The following CNTRL variants were observed in gnomAD, a reference collection of about 807,000 sequenced individuals.
CNTRL encodes the protein centriolin.
Under a neutral mutation model 303.7 loss-of-function variants are expected in CNTRL, and 233 were observed. The observed-to-expected ratio is 0.77, with a 90% confidence interval of 0.69 to 0.86. The LOEUF (loss-of-function observed/expected upper bound fraction) is 0.86, where lower values mean the gene tolerates loss of function less well. Ranked by LOEUF, CNTRL falls within the 40% of genes least tolerant of loss-of-function variation. The pLI, the probability that CNTRL is intolerant of heterozygous loss-of-function variation, is 0.00. For synonymous variants in CNTRL, 900 were observed against 922.2 expected (o/e 0.98, Z 0.44); for missense variants, 2,524 against 2,650.6 (o/e 0.95, Z 1.05).
At chr9:121,097,968 T>C (rs2048963584) in intron 6 of CNTRL, among the ~76,000 whole-genome samples, 1 of 152,192 alleles carries the variant, frequency 6.6e-6, no homozygotes. Flanking sequence ...TTTACCAAAA[T>C]ATTTTTTATA....
rs376461563 is a variant in CNTRL, at chr9:121,090,278, C to G, written c.221C>G (p.Ala74Gly). ...TGATCTGTTTCTATAATTTCAGGAG[C>G]TGATTCACATGCAGGAGTTAGATAT... ...MLLDYQDHKG[A>G]DSHAGVRYIT... Residue 74 changes from alanine to glycine, a missense_variant, in exon 4 of 44, where the codon GCT becomes GGT. By Grantham distance (60) the Ala-to-Gly change is moderately conservative. Coordinates refer to ENST00000373855, the MANE Select transcript of CNTRL (RefSeq NM_007018.6). The G allele has an allele frequency of 8.5e-5, 135 of 1,594,066 alleles. No individual in the cohort carries two copies. Among genetic ancestry groups the G allele is most frequent in the Non-Finnish European group, 1.1e-4 (130 of 1,171,648 alleles).
At chr9:121,081,977 T>G (rs940254419) in intron 2 of CNTRL, among the ~76,000 whole-genome samples, 1 of 152,234 alleles carries the variant, frequency 6.6e-6, no homozygotes. Flanking sequence ...GTGTCACCAG[T>G]CATCTTATTA....
chr9:121,097,559 G>A (rs1394686228), intron 6 of CNTRL, among the ~76,000 whole-genome samples: 1 of 144,922 alleles, frequency 6.9e-6, no homozygotes, highest in East Asian at 2.2e-4. Context: ...CAATACCTAT[G>A]CTTTCTAATT....
intron 1 of CNTRL, among the ~76,000 whole-genome samples, chr9:121,075,295 G>T (rs529173317): frequency 5.3e-5 from 8 of 152,230 alleles, no homozygotes; most frequent in African/African-American, 1.9e-4. Context: ...AAGAGGTGGG[G>T]ACGGCGGGGG....
rs764344990 is a variant in CNTRL, at chr9:121,148,743, T to C, written c.3531T>C (p.Val1177=). 9.9e-6 allele frequency: 16 copies of C among 1,614,114 alleles called. No individual in the cohort carries two copies. The highest frequency in any genetic ancestry group is 1.4e-5 in the Non-Finnish European group (16 of 1,179,994). ...TTAAGTACTCAGCCTCAACTCCTGTTAGAAAACCACGCCCTGGGCAGCAGG... is the reference window on the plus strand; with the variant it reads ...TTAAGTACTCAGCCTCAACTCCTGTCAGAAAACCACGCCCTGGGCAGCAGG... The part of the protein sequence containing the change: ...VGLKYSASTP[V]RKPRPGQQDG... Residue 1177 remains valine (V), a synonymous_variant, in exon 24 of 44, where the codon GTT becomes GTC. Coordinates refer to ENST00000373855, the MANE Select transcript of CNTRL (RefSeq NM_007018.6).
At chr9:121,099,081 C>T (rs542381173) in intron 7 of CNTRL, among the ~76,000 whole-genome samples, 37 of 152,310 alleles carry the variant, frequency 2.4e-4, no homozygotes, top group South Asian at 4.1e-4. Flanking sequence ...TCTCCCAGCA[C>T]GGAGTTTGAG....
intron 1 of CNTRL, among the ~76,000 whole-genome samples, chr9:121,079,941 G>A (rs1302715129): frequency 4.0e-5 from 6 of 151,884 alleles, no homozygotes; most frequent in Non-Finnish European, 7.4e-5. Context: ...TTGGCTCATC[G>A]CAACCTCCAC....
intron 11 of CNTRL, 65 bp downstream of exon 11, chr9:121,115,265 A>G: frequency 1.2e-6 from 1 of 823,074 alleles, no homozygotes; most frequent in Non-Finnish European, 1.9e-6. Flanking sequence ...TTCCCTTCAT[A>G]ACCATATAAA....
chr9:121,110,112 A>T (rs1165763379), intron 8 of CNTRL, among the ~76,000 whole-genome samples: 2 of 152,162 alleles, frequency 1.3e-5, no homozygotes, highest in Non-Finnish European at 2.9e-5. Flanking sequence ...TATAAAAGAA[A>T]AGTAGCACTG....
intron 2 of CNTRL, among the ~76,000 whole-genome samples, chr9:121,087,318 G>A (rs1306372675): frequency 6.6e-6 from 1 of 152,178 alleles, no homozygotes; most frequent in African/African-American, 2.4e-5. Flanking sequence ...TCTGGACTGA[G>A]TGTAGGATGC....
intron 17 of CNTRL, among the ~76,000 whole-genome samples, 188 bp from the exon 18 acceptor site, chr9:121,141,193 T>C (rs1158643883): frequency 6.6e-6 from 1 of 152,198 alleles, no homozygotes; most frequent in African/African-American, 2.4e-5. Flanking sequence ...GAGCCTATGT[T>C]TTCAGAGTGG....
intron 20 of CNTRL, 28 bp downstream of exon 20, chr9:121,144,110 C>A: frequency 6.5e-7 from 1 of 1,542,696 alleles, no homozygotes; most frequent in East Asian, 2.3e-5. Flanking sequence ...GAACAGGTTT[C>A]CATCAATGAT....
At chr9:121,166,011 C>T in intron 35 of CNTRL, 96 bp from the exon 36 acceptor site, 1 of 905,164 alleles carries the variant, frequency 1.1e-6, no homozygotes, top group Non-Finnish European at 1.7e-6. Context: ...CAGGAGTAAG[C>T]TTAAAACAAC....
intron 24 of CNTRL, 116 bp from the exon 25 acceptor site, chr9:121,150,054 C>T: frequency 1.4e-6 from 1 of 708,428 alleles, no homozygotes; most frequent in Non-Finnish European, 2.2e-6. Context: ...TTTATTCTCA[C>T]ATCTGCAGTA....
chr9:121,118,525 C>A lies in CNTRL; in HGVS notation c.1635C>A (p.Ser545=). Residue 545 remains serine (S), a synonymous_variant, in exon 12 of 44, where the codon TCC becomes TCA. Transcript: ENST00000373855. The part of the protein sequence containing the change: ...DLQIAIDSLD[S]KDPKHSHMKA... ...AAATAGCCATAGATAGCCTGGATTC[C>A]AAAGACCCAAAACATGTGAGTAAAT... The A allele has an allele frequency of 6.3e-7, 1 of 1,598,092 alleles. No individual in the cohort carries two copies. The highest frequency in any genetic ancestry group is 8.5e-7 in the Non-Finnish European group (1 of 1,172,028).
chr9:121,165,192 A>G, intron 35 of CNTRL, 92 bp downstream of exon 35: 1 of 1,253,948 alleles, frequency 8.0e-7, no homozygotes, highest in Non-Finnish European at 1.1e-6. Flanking sequence ...CCTGCTAATG[A>G]GCATGGTGTT....
At position 121,157,712 on chromosome 9, in the gene CNTRL, C is replaced by T. The variant is rs188502311; in HGVS notation, c.4497-28C>T. Reference sequence around the variant, plus strand: ...ATAATGCATGGTAAGTCTACAGGACCTGGGGGGAATAAAGCAATGTGCTTT... The same window carrying T: ...ATAATGCATGGTAAGTCTACAGGACTTGGGGGGAATAAAGCAATGTGCTTT... On this transcript the variant is annotated intron_variant, in intron 28 of 43. Transcript: ENST00000373855. The T allele has an allele frequency of 1.6e-3, 2,646 of 1,611,962 alleles. 15 individuals are homozygous for T. In the Middle Eastern group the frequency reaches 0.024, roughly 15 times the overall value.
rs1330774328 is a variant in CNTRL, at chr9:121,132,299, G to A, written c.2026-3507G>A. On this transcript the variant is annotated intron_variant, in intron 14 of 43. Transcript: ENST00000373855. ...AACGTAGATTTGGTCTTTTCACATA[G>A]TCCCATATTTCTTGGAGGCTTTGTT... 2.6e-5 allele frequency among the ~76,000 whole-genome samples: 4 copies of A among 152,082 alleles called. No individual in the cohort carries two copies. In the East Asian group the frequency reaches 7.7e-4, roughly 29 times the overall value.
chr9:121,121,532 G>A (rs1280737700), intron 12 of CNTRL, among the ~76,000 whole-genome samples: 1 of 152,202 alleles, frequency 6.6e-6, no homozygotes, highest in Non-Finnish European at 1.5e-5. Context: ...ATTATTCATA[G>A]AAGCACAAAT....
Sources: gnomAD v4.1 joint callset for allele counts (sites outside exome capture counted in the v4.1 genomes callset) on GRCh38, gnomAD v4.1.1 for gene constraint, MANE v1.5 for transcripts, NCBI Gene and HGNC (gene_info 2026-07-23, HGNC 2026-07-21) for gene names.